DCDC2: variants seen among roughly 807,000 people sequenced by gnomAD.
DCDC2 encodes doublecortin domain containing 2, also known as doublecortin domain-containing protein 2.
In DCDC2, 40 loss-of-function variants were observed where a neutral mutation model predicts 50.2. The ratio of observed to expected loss-of-function variants is 0.80; its 90% confidence interval spans 0.62 to 1.04. The LOEUF (loss-of-function observed/expected upper bound fraction) is 1.04. Among genes scored for constraint, DCDC2 ranks in the 50% least tolerant of loss-of-function variants. The pLI is 0.00. For missense variants in DCDC2, 570 were observed against 581.9 expected, an observed-to-expected ratio of 0.98 and a Z score of 0.21; for synonymous variants, 234 against 210.6, an observed-to-expected ratio of 1.11 and a Z score of -0.96.
chr6:24,306,539 T>TAGAGAGAC (rs1276949309), intron 2 of DCDC2, among the ~76,000 whole-genome samples: 2 of 108,420 alleles, frequency 1.8e-5, no homozygotes, highest in Admixed American at 9.9e-5. Flanking sequence ...GATAGATAGA[T>TAGAGAGAC]AGATAGACAG....
chr6:24,351,953 A>G (rs1203329275), intron 2 of DCDC2, among the ~76,000 whole-genome samples: 1 of 152,078 alleles, frequency 6.6e-6, no homozygotes, highest in Non-Finnish European at 1.5e-5. Context: ...AAAACAAAAA[A>G]ATTAGCCAGG....
chr6:24,256,274 A>ATG (rs10654672), intron 7 of DCDC2, among the ~76,000 whole-genome samples: 77,212 of 143,296 alleles, frequency 0.54, 23,842 homozygotes, highest in East Asian at 0.73. Flanking sequence ...GATGCTGGAC[A>ATG]TTTTTTTTTT....
chr6:24,330,056 T>G (rs1282878395), intron 2 of DCDC2, among the ~76,000 whole-genome samples: 1 of 152,178 alleles, frequency 6.6e-6, no homozygotes, highest in African/African-American at 2.4e-5. Context: ...GTGAACCCAT[T>G]ATCAGGGACT....
chr6:24,353,179 A>C, intron 2 of DCDC2: 1 of 412,326 alleles, frequency 2.4e-6, no homozygotes, highest in Non-Finnish European at 4.9e-6. Flanking sequence ...AGTTAGGGTG[A>C]CCCTGGCTAC....
At chr6:24,332,662 T>C (rs2127240812) in intron 2 of DCDC2, among the ~76,000 whole-genome samples, 2 of 152,306 alleles carry the variant, frequency 1.3e-5, no homozygotes, top group Middle Eastern at 6.8e-3. Context: ...GTTGTCTTAA[T>C]AATTGGAACA....
At chr6:24,230,360 A>C (rs1292326317) in intron 7 of DCDC2, among the ~76,000 whole-genome samples, 2 of 152,100 alleles carry the variant, frequency 1.3e-5, no homozygotes, top group Non-Finnish European at 2.9e-5. Context: ...AAGACTCGAG[A>C]GCCAGGTGTG....
chr6:24,202,979 T>C (rs1441330563), intron 8 of DCDC2, among the ~76,000 whole-genome samples: 1 of 151,888 alleles, frequency 6.6e-6, no homozygotes, highest in Non-Finnish European at 1.5e-5. Flanking sequence ...CCCAAGCAAA[T>C]AAGAGAGGAC....
chr6:24,251,506 G>A (rs945406690), intron 7 of DCDC2, among the ~76,000 whole-genome samples: 2 of 152,120 alleles, frequency 1.3e-5, no homozygotes, highest in Admixed American at 6.6e-5. Context: ...AGAGAACTCT[G>A]CGGGAGCCCT....
chr6:24,371,371 AG>A, the DCDC2 span, among the ~76,000 whole-genome samples: 1 of 152,082 alleles, frequency 6.6e-6, no homozygotes, highest in Non-Finnish European at 1.5e-5. Flanking sequence ...TGGGAAGCCA[AG>A]GCAGGTGGAT....
intron 2 of DCDC2, among the ~76,000 whole-genome samples, chr6:24,349,485 T>C (rs1367911675): frequency 6.6e-6 from 1 of 152,134 alleles, no homozygotes; most frequent in Non-Finnish European, 1.5e-5. Context: ...GAGTAAGTGC[T>C]GGTAAAGGCA....
chr6:24,201,117 A>T lies in DCDC2; in HGVS notation c.1023+3885T>A, dbSNP rs915974305. Among the ~76,000 whole-genome samples, 9 of 152,272 alleles carry T rather than the reference A, an allele frequency of 5.9e-5. No individual in the cohort carries two copies. The South Asian group carries it at 8.3e-4, about 14-fold the overall frequency. On this transcript the variant is annotated intron_variant, in intron 8 of 9. Transcript: ENST00000378454. ...TCAACGAGACAGAACATTAACAAGG[A>T]TATTCAGGACTTGAACTCAGCTCAA...
At chr6:24,224,313 C>G (rs545478595) in intron 7 of DCDC2, among the ~76,000 whole-genome samples, 1 of 152,170 alleles carries the variant, frequency 6.6e-6, no homozygotes, top group African/African-American at 2.4e-5. Flanking sequence ...TCTAAAGATA[C>G]AAAGAACCAG....
chr6:24,338,369 G>C (rs1235106360), intron 2 of DCDC2, among the ~76,000 whole-genome samples: 1 of 152,014 alleles, frequency 6.6e-6, no homozygotes, highest in Non-Finnish European at 1.5e-5. Flanking sequence ...AACAACAACT[G>C]TATTCCCTGT....
chr6:24,179,930 G>C (rs1249592288), intron 8 of DCDC2, among the ~76,000 whole-genome samples: 1 of 121,002 alleles, frequency 8.3e-6, no homozygotes, highest in East Asian at 2.7e-4. Flanking sequence ...CTCCAGCCTG[G>C]GCGACAGAGC....
At chr6:24,248,634 C>T (rs942326741) in intron 7 of DCDC2, among the ~76,000 whole-genome samples, 5 of 151,940 alleles carry the variant, frequency 3.3e-5, no homozygotes, top group African/African-American at 9.7e-5. Context: ...TACTAAGAGG[C>T]GAATTTAATT....
chr6:24,252,311 G>T (rs965181758), intron 7 of DCDC2, among the ~76,000 whole-genome samples: 22 of 152,064 alleles, frequency 1.4e-4, no homozygotes, highest in Non-Finnish European at 4.4e-5. Context: ...TTTCCAGCCA[G>T]ATCACAAGCC....
chr6:24,314,468 C>T (rs115034164), intron 2 of DCDC2, among the ~76,000 whole-genome samples: 219 of 151,410 alleles, frequency 1.4e-3, no homozygotes, highest in African/African-American at 5.0e-3. Flanking sequence ...CAGAGCAAGA[C>T]GTTGTCTCAA....
intron 7 of DCDC2, among the ~76,000 whole-genome samples, chr6:24,247,258 C>T (rs1193921578): frequency 6.6e-6 from 1 of 152,082 alleles, no homozygotes; most frequent in Non-Finnish European, 1.5e-5. Context: ...GAGCTATGAT[C>T]ATGCTACTGC....
intron 7 of DCDC2, among the ~76,000 whole-genome samples, chr6:24,225,633 T>C (rs888766587): frequency 6.6e-6 from 1 of 152,150 alleles, no homozygotes; most frequent in African/African-American, 2.4e-5. Flanking sequence ...GTATGAAATT[T>C]CTAATGTCAG....
Sources: gnomAD v4.1 joint callset for allele counts (sites outside exome capture counted in the v4.1 genomes callset) on GRCh38, gnomAD v4.1.1 for gene constraint, MANE v1.5 for transcripts, NCBI Gene and HGNC (gene_info 2026-07-23, HGNC 2026-07-21) for gene names.